The following PTPRT variants were observed in gnomAD, a reference collection of about 807,000 sequenced individuals.
The protein encoded by PTPRT is receptor-type tyrosine-protein phosphatase T.
In PTPRT, 56 loss-of-function variants were observed where a neutral mutation model predicts 176.8. The ratio of observed to expected loss-of-function variants is 0.32; its 90% CI spans 0.26 to 0.40. PTPRT has a LOEUF of 0.40. Among genes scored for constraint, PTPRT ranks in the 10% least tolerant of loss-of-function variants. PTPRT has a pLI of 1.00. For synonymous variants in PTPRT, 783 were observed against 739.0 expected (o/e 1.06, Z -0.96); for missense variants, 1,540 against 1,908.2 (o/e 0.81, Z 3.60).
chr20:42,706,268 T>C (rs1328456499), intron 6 of PTPRT, among the ~76,000 whole-genome samples: 3 of 151,710 alleles, frequency 2.0e-5, no homozygotes. Flanking sequence ...CTCTCTTCTT[T>C]AGGCAGATGT....
At chr20:42,504,412 G>C (rs2071808141) in intron 7 of PTPRT, among the ~76,000 whole-genome samples, 1 of 152,084 alleles carries the variant, frequency 6.6e-6, no homozygotes, top group Non-Finnish European at 1.5e-5. Context: ...CATATTTTGA[G>C]ATCAAGTTAT....
chr20:42,536,009 C>T (rs766549732), intron 7 of PTPRT, among the ~76,000 whole-genome samples: 3 of 152,056 alleles, frequency 2.0e-5, no homozygotes, highest in African/African-American at 4.8e-5. Flanking sequence ...TCAATAAGAT[C>T]GGCTAGTCTG....
At position 42,487,499 on chromosome 20, in the gene PTPRT, G is replaced by C. The variant is rs191438019; in HGVS notation, c.1154-14937C>G. On this transcript the variant is annotated intron_variant, in intron 7 of 30. Transcript: ENST00000373187. Reference sequence around the variant, plus strand: ...ACATGGCAAAAAGAACACTGTGAACGTGATTAAGGATCTTGAACTGGGGAT... The same window carrying C: ...ACATGGCAAAAAGAACACTGTGAACCTGATTAAGGATCTTGAACTGGGGAT... Among the ~76,000 whole-genome samples the C allele has an allele frequency of 3.9e-5, 6 of 152,310 alleles. No individual in the cohort carries two copies. The East Asian group carries it at 1.2e-3, about 29-fold the overall frequency.
At chr20:42,743,271 C>T (rs1189966306) in intron 6 of PTPRT, among the ~76,000 whole-genome samples, 1 of 152,150 alleles carries the variant, frequency 6.6e-6, no homozygotes, top group Non-Finnish European at 1.5e-5. Context: ...TAATGAAAAG[C>T]TGGTGCAAGC....
chr20:42,481,800 ACACACG>A (rs753396142), intron 7 of PTPRT, among the ~76,000 whole-genome samples: 20 of 128,528 alleles, frequency 1.6e-4, no homozygotes, highest in East Asian at 5.2e-4. Context: ...ACACACACAC[ACACACG>A]CGCGCATGTA....
intron 13 of PTPRT, among the ~76,000 whole-genome samples, chr20:42,280,533 G>C (rs1241451174): frequency 6.6e-6 from 1 of 152,118 alleles, no homozygotes; most frequent in Non-Finnish European, 1.5e-5. Flanking sequence ...TTGGACAGCT[G>C]GGCATTCACA....
intron 9 of PTPRT, among the ~76,000 whole-genome samples, chr20:42,382,145 T>C (rs759910894): frequency 6.6e-6 from 1 of 152,208 alleles, no homozygotes; most frequent in Non-Finnish European, 1.5e-5. Flanking sequence ...AGTTCCATAT[T>C]AAGGAAAGCT....
intron 5 of PTPRT, among the ~76,000 whole-genome samples, chr20:42,767,743 G>A (rs1225159957): frequency 7.1e-6 from 1 of 141,480 alleles, no homozygotes; most frequent in East Asian, 2.0e-4. Context: ...TCTTTAATGA[G>A]TGCTATATAA....
chr20:42,587,594 C>T (rs568453036), intron 7 of PTPRT, among the ~76,000 whole-genome samples: 1 of 152,318 alleles, frequency 6.6e-6, no homozygotes, highest in East Asian at 1.9e-4. Flanking sequence ...AGTCATGACC[C>T]AGATCACAGA....
intron 2 of PTPRT, among the ~76,000 whole-genome samples, chr20:42,848,372 C>A (rs1419608904): frequency 6.6e-6 from 1 of 152,162 alleles, no homozygotes; most frequent in Non-Finnish European, 1.5e-5. Context: ...AATGGTTGTT[C>A]TTTTAGCTCT....
In PTPRT at chr20:42,080,699, G is replaced by T; in HGVS notation, c.*180C>A. ...GCCTTTTGGAGCAGCATCTCCCACG[G>T]CAACAGGAGACCCCTCAGAAGGTGC... On this transcript the variant is annotated 3_prime_UTR_variant, in exon 31 of 31. Transcript: ENST00000373187. 2.0e-6 allele frequency: 1 copy of T among 503,386 alleles called. No homozygotes were observed. Among genetic ancestry groups the T allele is most frequent in the South Asian group, 2.7e-5 (1 of 36,738 alleles). The allele number at this position is 503,386 out of a possible 1,614,324, so 31.2% of individuals were successfully genotyped here. A position where few individuals can be genotyped will look rare whatever the true frequency, so the allele number is the denominator to read the frequency against.
chr20:42,180,640 G>A (rs1990478817), intron 16 of PTPRT, among the ~76,000 whole-genome samples: 1 of 152,172 alleles, frequency 6.6e-6, no homozygotes, highest in Non-Finnish European at 1.5e-5. Context: ...CAGGCACATA[G>A]TAGGTGCTCA....
At chr20:42,917,145 G>A (rs2145945193) in intron 1 of PTPRT, among the ~76,000 whole-genome samples, 1 of 152,240 alleles carries the variant, frequency 6.6e-6, no homozygotes, top group East Asian at 1.9e-4. Flanking sequence ...TGTATAAGGT[G>A]TAAGGAAGGG....
rs552062364 is a variant in PTPRT at position 42,250,492 on chromosome 20, C to T, written c.2177-1670G>A. On this transcript the variant is annotated intron_variant, in intron 13 of 30. Transcript: ENST00000373187. ...TTAAGCCCTCCAGCACATTGATGCACCCCCTTTTTTTTTGCTTAAGAGCAT... is the reference window on the plus strand; with the variant it reads ...TTAAGCCCTCCAGCACATTGATGCATCCCCTTTTTTTTTGCTTAAGAGCAT... Among the ~76,000 whole-genome samples, 9 of 151,706 alleles carry T rather than the reference C, an allele frequency of 5.9e-5. No homozygotes were observed. In the South Asian group the frequency reaches 6.3e-4, roughly 11 times the overall value.
chr20:42,696,540 C>T (rs2146141012), intron 6 of PTPRT, among the ~76,000 whole-genome samples: 1 of 151,554 alleles, frequency 6.6e-6, no homozygotes, highest in East Asian at 2.0e-4. Flanking sequence ...ACTGCAAGCT[C>T]TTCCCCCCGG....
intron 8 of PTPRT, among the ~76,000 whole-genome samples, chr20:42,464,101 G>C (rs920918839): frequency 6.6e-6 from 1 of 152,172 alleles, no homozygotes; most frequent in African/African-American, 2.4e-5. Context: ...GGTGGGAAGA[G>C]ATGCAAGCAA....
chr20:42,792,331 T>C (rs918384917), intron 2 of PTPRT, among the ~76,000 whole-genome samples: 13 of 152,204 alleles, frequency 8.5e-5, no homozygotes, highest in African/African-American at 2.9e-4. Context: ...AGCTTTATTG[T>C]GACAATAGCT....
chr20:43,049,326 AACAT>A (rs3030299), intron 1 of PTPRT, among the ~76,000 whole-genome samples: 53,431 of 151,334 alleles, frequency 0.35, 11,659 homozygotes, highest in African/African-American at 0.61. Context: ...GGCCATGTAA[AACAT>A]ACATACATAC....
chr20:42,355,194 T>C (rs2058341986), intron 9 of PTPRT, among the ~76,000 whole-genome samples: 1 of 152,248 alleles, frequency 6.6e-6, no homozygotes, highest in Middle Eastern at 3.4e-3. Context: ...CCCTTCCTTA[T>C]ACCCCTGCAA....
Sources: allele counts gnomAD v4.1 joint callset (sites outside exome capture counted in the v4.1 genomes callset), GRCh38; gene constraint gnomAD v4.1.1; transcripts MANE v1.5; gene names NCBI Gene and HGNC (gene_info 2026-07-23, HGNC 2026-07-21).